Variants in CDKL1 observed in about 807,000 individuals in gnomAD.
CDKL1 encodes the protein cyclin dependent kinase like 1.
In CDKL1, 41 loss-of-function variants were observed where a neutral mutation model predicts 42.0. The observed-to-expected ratio is 0.98, with a 90% CI of 0.76 to 1.27. The LOEUF (loss-of-function observed/expected upper bound fraction) is 1.27, where lower values mean the gene tolerates loss of function less well. Among genes scored for constraint, CDKL1 ranks in the 50% most tolerant of loss-of-function variants. The pLI, the probability that CDKL1 is intolerant of heterozygous loss-of-function variation, is 0.00. For synonymous variants in CDKL1, 153 were observed against 158.6 expected (o/e 0.96, Z 0.26); for missense variants, 394 against 428.4 (o/e 0.92, Z 0.71).
At chr14:50,338,901 C>T in intron 7 of CDKL1, 46 bp downstream of exon 7, 1 of 1,217,662 alleles carries the variant, frequency 8.2e-7, no homozygotes, top group Non-Finnish European at 1.2e-6. Flanking sequence ...CAACCAAAGC[C>T]TAGCTAGCCT....
chr14:50,372,698 A>AT (rs1242587982), intron 2 of CDKL1, among the ~76,000 whole-genome samples: 1 of 152,024 alleles, frequency 6.6e-6, no homozygotes, highest in Non-Finnish European at 1.5e-5. Context: ...TATTGGGTTG[A>AT]TTTTTGTATA....
intron 2 of CDKL1, among the ~76,000 whole-genome samples, chr14:50,360,160 G>A (rs966573925): frequency 2.0e-5 from 3 of 152,088 alleles, no homozygotes; most frequent in African/African-American, 7.2e-5. Context: ...ATCAAATGTT[G>A]TTTTATCGCA....
At chr14:50,362,339 G>C (rs2034288205) in intron 2 of CDKL1, 1 of 324,270 alleles carries the variant, frequency 3.1e-6, no homozygotes, top group Admixed American at 4.2e-5. Context: ...GATCCACTGG[G>C]TGAGGCCAGC....
At chr14:50,331,962 A>C (rs1237004840) in intron 9 of CDKL1, 1 of 1,403,102 alleles carries the variant, frequency 7.1e-7, no homozygotes, top group East Asian at 2.5e-5. Context: ...TCCAAAGCCC[A>C]AAAAGTCTCC....
At chr14:50,348,831 A>G (rs1222809839) in intron 3 of CDKL1, among the ~76,000 whole-genome samples, 1 of 152,222 alleles carries the variant, frequency 6.6e-6, no homozygotes, top group Non-Finnish European at 1.5e-5. Flanking sequence ...GGATGAAGAG[A>G]ACATTTTTAA....
chr14:50,361,759 A>G (rs992386833), intron 2 of CDKL1, among the ~76,000 whole-genome samples: 6 of 152,258 alleles, frequency 3.9e-5, no homozygotes. Flanking sequence ...AGAGCAGCCC[A>G]TTAATCACCT....
chr14:50,353,671 A>G (rs2033970345), intron 3 of CDKL1, among the ~76,000 whole-genome samples: 2 of 152,220 alleles, frequency 1.3e-5, no homozygotes, highest in Admixed American at 1.3e-4. Context: ...ATGGAATTCT[A>G]TACAGCCATT....
intron 4 of CDKL1, among the ~76,000 whole-genome samples, chr14:50,344,474 T>G (rs1402620238): frequency 6.7e-6 from 1 of 149,622 alleles, no homozygotes. Flanking sequence ...TGTGGTTTTT[T>G]TTTTTTTTTT....
At chr14:50,358,601 G>T (rs1203785008) in intron 3 of CDKL1, among the ~76,000 whole-genome samples, 2 of 138,424 alleles carry the variant, frequency 1.4e-5, no homozygotes, top group Non-Finnish European at 3.1e-5. Flanking sequence ...TGGCAGCAGA[G>T]TATGTTGTAC....
chr14:50,381,623 T>C (rs1353832813), intron 2 of CDKL1, among the ~76,000 whole-genome samples: 1 of 152,200 alleles, frequency 6.6e-6, no homozygotes, highest in Non-Finnish European at 1.5e-5. Context: ...AATAGTACAA[T>C]TGTGACAAAA....
chr14:50,360,825 T>TGTGA (rs1555341845), intron 2 of CDKL1, among the ~76,000 whole-genome samples: 6 of 149,168 alleles, frequency 4.0e-5, no homozygotes, highest in South Asian at 4.3e-4. Context: ...TGTGTGTGTG[T>TGTGA]GATTGGCTTA....
intron 2 of CDKL1, among the ~76,000 whole-genome samples, chr14:50,365,884 C>G (rs1347497449): frequency 6.6e-6 from 1 of 152,206 alleles, no homozygotes; most frequent in Non-Finnish European, 1.5e-5. Context: ...GCTTCCTGCC[C>G]TCGAACATTA....
At chr14:50,361,631 C>T (rs532811418) in intron 2 of CDKL1, among the ~76,000 whole-genome samples, 96 of 152,324 alleles carry the variant, frequency 6.3e-4, no homozygotes, top group African/African-American at 2.3e-3. Flanking sequence ...GCTCTTTATA[C>T]GGGTGCTAAT....
chr14:50,347,961 G>A (rs2033782012), intron 3 of CDKL1, among the ~76,000 whole-genome samples: 1 of 152,168 alleles, frequency 6.6e-6, no homozygotes, highest in African/African-American at 2.4e-5. Context: ...TGTGTCAAAG[G>A]ACTTCTGAAT....
intron 2 of CDKL1, among the ~76,000 whole-genome samples, chr14:50,392,869 C>G (rs190539210): frequency 1.3e-5 from 2 of 152,300 alleles, no homozygotes; most frequent in Admixed American, 1.3e-4. Flanking sequence ...CCTCATTCTT[C>G]CAGTCAATCA....
rs575593359 is a variant in CDKL1, at chr14:50,361,952, G to A, written c.169-2803C>T. ...CTCCCTCAGCTTGCAGGGAGGTGTG[G>A]AGGGAGAGGCGCAGGCGGGAACCGG... On this transcript the variant is annotated intron_variant, in intron 2 of 9. Coordinates refer to ENST00000395834, the MANE Select transcript of CDKL1 (RefSeq NM_004196.7). Among the ~76,000 whole-genome samples, 40 of 152,386 alleles carry A rather than the reference G, an allele frequency of 2.6e-4. No individual in the cohort carries two copies. The East Asian group carries it at 7.1e-3, about 27-fold the overall frequency.
chr14:50,370,497 A>C (rs2034560973), intron 2 of CDKL1, among the ~76,000 whole-genome samples: 1 of 152,112 alleles, frequency 6.6e-6, no homozygotes, highest in Non-Finnish European at 1.5e-5. Flanking sequence ...TCATCTCTCC[A>C]TTCTCCTCAT....
At chr14:50,381,532 C>A (rs940140904) in intron 2 of CDKL1, among the ~76,000 whole-genome samples, 149 of 152,294 alleles carry the variant, frequency 9.8e-4, no homozygotes, top group African/African-American at 3.5e-3. Context: ...CAAGACCCAG[C>A]ACAGGCCAGT....
Position 50,339,521 on chromosome 14 carries a change from GAA to G in CDKL1, c.656-494_656-493del, listed in dbSNP as rs761095555. Among the ~76,000 whole-genome samples the G allele has an allele frequency of 4.2e-3, 545 of 128,528 alleles. 10 individuals carry two copies. The highest frequency in any genetic ancestry group is 0.014 in the African/African-American group (503 of 34,750). 84.3% of individuals were successfully genotyped at this position (128,528 alleles called of 152,430 possible). On this transcript the variant is annotated intron_variant, in intron 6 of 9. Coordinates refer to ENST00000395834, the MANE Select transcript of CDKL1 (RefSeq NM_004196.7). ...TTGAAGAAGGAAGAGAGGGAGGGAG[GAA>G]GAGAGGGAGGGAGGGAGGGGAGGGG...
Sources: allele counts gnomAD v4.1 joint callset (sites outside exome capture counted in the v4.1 genomes callset), GRCh38; gene constraint gnomAD v4.1.1; transcripts MANE v1.5; gene names NCBI Gene and HGNC (gene_info 2026-07-23, HGNC 2026-07-21).